ABCB9: variants seen among roughly 807,000 people sequenced by gnomAD.
ABCB9 encodes the protein ABC-type oligopeptide transporter ABCB9.
In ABCB9, 36 loss-of-function variants were observed where a neutral mutation model predicts 62.0. That is an observed-to-expected ratio of 0.58 (90% CI 0.45 to 0.77). The LOEUF is 0.77. ABCB9 is among the 30% of genes least tolerant of loss of function. The pLI is 0.00. For missense variants in ABCB9, 943 were observed against 1,054.7 expected (o/e 0.89, Z 1.47); for synonymous variants, 435 against 461.4 (o/e 0.94, Z 0.73).
At chr12:122,946,648 G>A (rs1482463757) in intron 5 of ABCB9, among the ~76,000 whole-genome samples, 4 of 152,226 alleles carry the variant, frequency 2.6e-5, no homozygotes, top group Non-Finnish European at 5.9e-5. Context: ...TATTAAAGGG[G>A]CACCATTTAC....
exon 1 of ABCB9, chr12:122,975,041 A>C: frequency 2.2e-6 from 1 of 459,066 alleles, no homozygotes; most frequent in Non-Finnish European, 3.9e-6. Flanking sequence ...CGTAGTGGGA[A>C]AACTGGGAGG....
At chr12:122,924,872 G>C, downstream of ABCB9, 15 of 1,515,772 alleles carry the variant, frequency 9.9e-6, no homozygotes, top group Non-Finnish European at 1.3e-5. Flanking sequence ...AAAAAAGTCA[G>C]CTTTAAAAGT....
rs755022731 is a variant in ABCB9 at position 122,930,412 on chromosome 12, C to CA, written c.2041-242_2041-241insT. The stretch of plus-strand genomic sequence containing the variant: ...TCTTCTGGTCCTTCCCTTCCCCCTC[C>CA]TTTTTTTTTTTTTTTTTTTTTAAGT... On this transcript the variant is annotated intron_variant, in intron 11 of 11. Coordinates refer to ENST00000280560, the MANE Select transcript of ABCB9 (RefSeq NM_019625.4). This position sits in a 1 kb window ranked among gnomAD's most constrained non-coding sequence, Gnocchi z 4.9. Among the ~76,000 whole-genome samples, 4 of 136,642 alleles carry CA rather than the reference C, an allele frequency of 2.9e-5. No individual in the cohort carries two copies. The highest frequency in any genetic ancestry group is 8.4e-5 in the African/African-American group (3 of 35,706). 89.6% of individuals were successfully genotyped at this position (136,642 alleles called of 152,430 possible).
chr12:122,966,814 T>C (rs997209265), upstream of ABCB9, among the ~76,000 whole-genome samples: 8 of 152,246 alleles, frequency 5.3e-5, no homozygotes, highest in African/African-American at 1.9e-4. Context: ...GCTTTTTAAC[T>C]GGCCTTTTTC....
upstream of ABCB9, among the ~76,000 whole-genome samples, chr12:122,969,245 A>C (rs919974368): frequency 6.7e-6 from 1 of 148,552 alleles, no homozygotes; most frequent in African/African-American, 2.5e-5. Flanking sequence ...TCCCCAGCCT[A>C]GTCACAGAGA....
At chr12:122,957,094 G>A (rs2036642171) in intron 2 of ABCB9, among the ~76,000 whole-genome samples, 1 of 151,762 alleles carries the variant, frequency 6.6e-6, no homozygotes, top group South Asian at 2.1e-4. Context: ...CGGGCTGGAG[G>A]GCAGTGGCGT....
chr12:122,970,737 T>C (rs893293762), upstream of ABCB9, among the ~76,000 whole-genome samples: 8 of 152,204 alleles, frequency 5.3e-5, no homozygotes, highest in East Asian at 1.5e-3. Flanking sequence ...TAAAGCTTTA[T>C]TCGTAATTGC....
chr12:122,946,519 A>T, intron 5 of ABCB9: 1 of 429,960 alleles, frequency 2.3e-6, no homozygotes, highest in South Asian at 2.6e-5. Context: ...GCTATTCATG[A>T]CTGGACAGTT....
At chr12:122,941,818 G>A (rs142928729) in intron 7 of ABCB9, among the ~76,000 whole-genome samples, 2,082 of 151,988 alleles carry the variant, frequency 0.014, 49 homozygotes, top group Non-Finnish European at 0.015. Context: ...TCTGCCTCCC[G>A]GGTTCAAGCA....
In ABCB9 at chr12:122,954,830, T is replaced by C. The variant is rs142000831; in HGVS notation, c.602-4265A>G. 3.3e-3 allele frequency among the ~76,000 whole-genome samples: 506 copies of C among 152,346 alleles called. 1 individual carries two copies. The highest frequency in any genetic ancestry group is 5.6e-3 in the Non-Finnish European group (381 of 68,030). ...TAATTTAATAAGAGATACTCAACCC[T>C]AAAACTAACATTTCCCAATGGGTGG... On this transcript the variant is annotated intron_variant, in intron 2 of 11. Transcript: ENST00000280560.
chr12:122,969,357 T>C (rs1238721284), upstream of ABCB9, among the ~76,000 whole-genome samples: 1 of 152,256 alleles, frequency 6.6e-6, no homozygotes, highest in African/African-American at 2.4e-5. Context: ...ATTGTAGTGA[T>C]GGTTGCACAA....
chr12:122,948,138 A>G (rs969677385), intron 5 of ABCB9: 2 of 152,470 alleles, frequency 1.3e-5, no homozygotes, highest in African/African-American at 4.8e-5. Context: ...GGGTCTTGCT[A>G]TATTGTCCAA....
intron 1 of ABCB9, among the ~76,000 whole-genome samples, chr12:122,962,183 C>T (rs1006333476): frequency 6.6e-6 from 1 of 152,222 alleles, no homozygotes; most frequent in Non-Finnish European, 1.5e-5. Context: ...AGGACTCCCC[C>T]AGAGCCGCAG....
intron 9 of ABCB9, among the ~76,000 whole-genome samples, chr12:122,937,420 G>A (rs899840185): frequency 2.6e-5 from 4 of 151,554 alleles, no homozygotes; most frequent in Admixed American, 2.0e-4. Flanking sequence ...TATTCATGAA[G>A]GAAAACCAAA....
Position 122,960,331 on chromosome 12 carries a change from A to C in ABCB9, c.-87-9T>G. 6.8e-7 allele frequency: 1 copy of C among 1,464,858 alleles called. No individual in the cohort carries two copies. The highest frequency in any genetic ancestry group is 9.1e-7 in the Non-Finnish European group (1 of 1,100,928). 90.7% of individuals were successfully genotyped at this position (1,464,858 alleles called of 1,614,324 possible). Reference sequence around the variant, plus strand: ...ACAGGGCGAGGCCAGGCCTGTAGGGACAACAGCAAACATCAGCACAAGGGG... The same window carrying C: ...ACAGGGCGAGGCCAGGCCTGTAGGGCCAACAGCAAACATCAGCACAAGGGG... On this transcript the variant is annotated splice_polypyrimidine_tract_variant and intron_variant, in intron 1 of 11. Transcript: ENST00000280560.
intron 9 of ABCB9, among the ~76,000 whole-genome samples, chr12:122,939,231 A>C (rs763722034): frequency 6.6e-6 from 1 of 152,212 alleles, no homozygotes; most frequent in Non-Finnish European, 1.5e-5. Flanking sequence ...ATTGTGATAA[A>C]CATATGTATA....
In ABCB9 at chr12:122,949,874, A is replaced by G; in HGVS notation, c.761T>C (p.Phe254Ser). Residue 254 changes from phenylalanine to serine, a missense_variant, in exon 4 of 12, where the codon TTT becomes TCT. By Grantham distance (155) the Phe-to-Ser change is radical (BLOSUM62 -2). Transcript: ENST00000280560. ...TCGAAGGCGAATGTTCAGTCTGGCAAATATGAGGGTAAAAATGCCGCCCCG... is the reference window on the plus strand; with the variant it reads ...TCGAAGGCGAATGTTCAGTCTGGCAGATATGAGGGTAAAAATGCCGCCCCG... Reference protein sequence around the residue: ...GIRGGIFTLIFARLNIRLRNC... With the variant: ...GIRGGIFTLISARLNIRLRNC... The G allele has an allele frequency of 1.9e-6, 3 of 1,614,178 alleles. No homozygotes were observed. Among genetic ancestry groups the G allele is most frequent in the Non-Finnish European group, 2.5e-6 (3 of 1,180,004 alleles).
In ABCB9 at chr12:122,940,517, G is replaced by A. The variant is rs1050420148; in HGVS notation, c.1570-233C>T. On this transcript the variant is annotated intron_variant, in intron 8 of 11. Transcript: ENST00000280560. This position sits in a 1 kb window ranked among gnomAD's most constrained non-coding sequence, Gnocchi z 4.8. ...CTCTCTGCAGGGAGGCCCCTGGTGA[G>A]GTCTCACCTCAAATGTCACCTCCTC... 3.3e-5 allele frequency among the ~76,000 whole-genome samples: 5 copies of A among 152,170 alleles called. No individual in the cohort carries two copies. Among genetic ancestry groups the A allele is most frequent in the African/African-American group, 1.2e-4 (5 of 41,438 alleles).
chr12:122,958,317 T>C (rs1430137378), intron 2 of ABCB9, among the ~76,000 whole-genome samples: 1 of 152,186 alleles, frequency 6.6e-6, no homozygotes, highest in African/African-American at 2.4e-5. Context: ...AGGTACTGGT[T>C]GGAAAAATTC....
Sources: allele counts gnomAD v4.1 joint callset (sites outside exome capture counted in the v4.1 genomes callset), GRCh38; gene constraint gnomAD v4.1.1; non-coding constraint Gnocchi (gnomAD v3.1); transcripts MANE v1.5; gene names NCBI Gene and HGNC (gene_info 2026-07-23, HGNC 2026-07-21).